The following ROBO2 variants were observed in gnomAD, a reference collection of about 807,000 sequenced individuals.
ROBO2 encodes roundabout guidance receptor 2.
In ROBO2, 53 loss-of-function variants were observed where a neutral mutation model predicts 160.8. The ratio of observed to expected loss-of-function variants is 0.33; its 90% CI spans 0.26 to 0.41. The LOEUF is 0.41. Ranked by LOEUF, ROBO2 falls within the 10% of genes least tolerant of loss-of-function variation. The pLI is 1.00. For missense variants in ROBO2, 1,577 were observed against 1,722.4 expected (o/e 0.92, Z 1.49); for synonymous variants, 664 against 611.7 (o/e 1.09, Z -1.26).
At chr3:76,274,274 C>T (rs1707785747) in intron 2 of ROBO2, among the ~76,000 whole-genome samples, 1 of 151,912 alleles carries the variant, frequency 6.6e-6, no homozygotes, top group Admixed American at 6.6e-5. Flanking sequence ...AAAGAATTTT[C>T]ACCAACATGG....
At chr3:76,469,799 A>C (rs2078558266) in intron 2 of ROBO2, among the ~76,000 whole-genome samples, 1 of 152,098 alleles carries the variant, frequency 6.6e-6, no homozygotes, top group African/African-American at 2.4e-5. Context: ...CTACACTAGT[A>C]ACCTCACTGA....
At chr3:76,823,902 G>T (rs2066340278) in intron 2 of ROBO2, among the ~76,000 whole-genome samples, 1 of 152,122 alleles carries the variant, frequency 6.6e-6, no homozygotes, top group African/African-American at 2.4e-5. Context: ...TTGTTTTATG[G>T]TAAAACTGAG....
chr3:76,031,123 A>C (rs1270862589), intron 2 of ROBO2, among the ~76,000 whole-genome samples: 1 of 152,038 alleles, frequency 6.6e-6, no homozygotes, highest in Non-Finnish European at 1.5e-5. Context: ...TATTCTCTTC[A>C]TAGCAGTTGT....
chr3:76,757,617 A>G (rs201102502), intron 2 of ROBO2, among the ~76,000 whole-genome samples: 1 of 151,364 alleles, frequency 6.6e-6, no homozygotes, highest in Non-Finnish European at 1.5e-5. Context: ...TTTTTTTTTT[A>G]AGTCTATGTT....
chr3:75,973,678 T>C (rs539848799), intron 2 of ROBO2, among the ~76,000 whole-genome samples: 86 of 151,770 alleles, frequency 5.7e-4, no homozygotes, highest in African/African-American at 2.0e-3. Context: ...AGGAAACTAA[T>C]TTTATAGAAA....
At chr3:76,116,958 C>T (rs968525624) in intron 2 of ROBO2, among the ~76,000 whole-genome samples, 2 of 152,100 alleles carry the variant, frequency 1.3e-5, no homozygotes, top group African/African-American at 4.8e-5. Flanking sequence ...GCAGTTTATC[C>T]CAGTATTCAA....
intron 2 of ROBO2, among the ~76,000 whole-genome samples, chr3:76,887,452 A>G (rs2073993250): frequency 6.6e-6 from 1 of 151,908 alleles, no homozygotes; most frequent in Admixed American, 6.6e-5. Context: ...TCAGAGGATC[A>G]TTAACTGAGT....
At chr3:76,614,348 A>G (rs768283521) in intron 2 of ROBO2, among the ~76,000 whole-genome samples, 6 of 152,114 alleles carry the variant, frequency 3.9e-5, no homozygotes, top group Admixed American at 2.6e-4. Flanking sequence ...TCCTTTTCAC[A>G]TGATTTATGA....
chr3:76,295,405 C>G (rs982118520), intron 2 of ROBO2, among the ~76,000 whole-genome samples: 1 of 151,864 alleles, frequency 6.6e-6, no homozygotes, highest in African/African-American at 2.4e-5. Context: ...GTTACGTAAT[C>G]CCTGCCCTCA....
At chr3:76,970,256 C>A (rs1293197137) in intron 2 of ROBO2, among the ~76,000 whole-genome samples, 3 of 152,160 alleles carry the variant, frequency 2.0e-5, no homozygotes, top group Admixed American at 6.5e-5. Flanking sequence ...CAAGGGCCTA[C>A]CTCTACCATT....
chr3:77,498,610 C>CTT lies in ROBO2; in HGVS notation c.806+5240_806+5241dup, dbSNP rs77599654. ...AACTGAATGGAACTACTTATAATTC[C>CTT]TTTTTTTTTTTTTGGATGGCATTTT... On this transcript the variant is annotated intron_variant, in intron 5 of 25. Coordinates refer to ENST00000461745, the Ensembl canonical transcript of ROBO2. Among the ~76,000 whole-genome samples the CTT allele has an allele frequency of 3.7e-3, 531 of 142,660 alleles. 1 individual carries two copies. The highest frequency in any genetic ancestry group is 0.015 in the Middle Eastern group (4 of 268). 93.6% of individuals were successfully genotyped at this position (142,660 alleles called of 152,430 possible). A position where few individuals can be genotyped will look rare whatever the true frequency, so the allele number is the denominator to read the frequency against.
chr3:76,687,470 A>G (rs1668564680), intron 2 of ROBO2, among the ~76,000 whole-genome samples: 1 of 152,120 alleles, frequency 6.6e-6, no homozygotes, highest in East Asian at 1.9e-4. Context: ...AGGGCCTTAA[A>G]GATGACAGTC....
At chr3:76,640,285 C>T (rs2090586800) in intron 2 of ROBO2, among the ~76,000 whole-genome samples, 1 of 152,172 alleles carries the variant, frequency 6.6e-6, no homozygotes, top group Non-Finnish European at 1.5e-5. Context: ...AATCCCAACA[C>T]TTTGGGAAGC....
At chr3:77,029,947 G>A (rs529484885) in intron 2 of ROBO2, among the ~76,000 whole-genome samples, 1 of 151,280 alleles carries the variant, frequency 6.6e-6, no homozygotes, top group Non-Finnish European at 1.5e-5. Context: ...ATGCCATTCA[G>A]TTCTTTTTTT....
intron 2 of ROBO2, among the ~76,000 whole-genome samples, chr3:77,316,563 T>C (rs1208663776): frequency 6.6e-6 from 1 of 152,170 alleles, no homozygotes; most frequent in Admixed American, 6.5e-5. Flanking sequence ...TGAAAGGATC[T>C]TTTTTGGAAA....
intron 2 of ROBO2, among the ~76,000 whole-genome samples, chr3:76,556,865 T>C (rs1334584111): frequency 6.6e-6 from 1 of 152,090 alleles, no homozygotes; most frequent in Non-Finnish European, 1.5e-5. Flanking sequence ...CAACCCAACA[T>C]ACCTCCCAGT....
chr3:77,284,739 T>C (rs1011439999), intron 2 of ROBO2, among the ~76,000 whole-genome samples: 1 of 152,072 alleles, frequency 6.6e-6, no homozygotes, highest in African/African-American at 2.4e-5. Flanking sequence ...CCTCTCTTTC[T>C]TACCTGTAAA....
intron 2 of ROBO2, among the ~76,000 whole-genome samples, chr3:76,179,156 A>AGT (rs1701377326): frequency 1.3e-5 from 2 of 152,150 alleles, no homozygotes; most frequent in Non-Finnish European, 2.9e-5. Context: ...ATTAATAATT[A>AGT]ATAATGAGAC....
rs1002172997 is a variant in ROBO2, at chr3:77,317,626, G to A, written c.389-159788G>A. The A allele has an allele frequency of 9.0e-6, 7 of 776,536 alleles. No individual in the cohort carries two copies. In the East Asian group the frequency reaches 1.4e-4, roughly 16 times the overall value. The allele number at this position is 776,536 out of a possible 1,614,324, so 48.1% of individuals were successfully genotyped here. A position where few individuals can be genotyped will look rare whatever the true frequency, so the allele number is the denominator to read the frequency against. On this transcript the variant is annotated intron_variant, in intron 2 of 25. Transcript: ENST00000461745. ...CAGCCGTCTTCTGCTCAAAGGTGGC[G>A]GCGGGCTCTGCGGGGGCTGCTGGTT...
Sources: allele counts gnomAD v4.1 joint callset (sites outside exome capture counted in the v4.1 genomes callset), GRCh38; gene constraint gnomAD v4.1.1; transcripts MANE v1.5; gene names NCBI Gene and HGNC (gene_info 2026-07-23, HGNC 2026-07-21).